Variants in ZDHHC7 observed in about 807,000 individuals in gnomAD.
The protein encoded by ZDHHC7 is palmitoyltransferase ZDHHC7.
ZDHHC7 carries 12 observed loss-of-function variants against 34.1 expected under a neutral mutation model. The observed-to-expected ratio is 0.35, with a 90% confidence interval of 0.23 to 0.57. ZDHHC7 has a LOEUF of 0.57. ZDHHC7 is among the 20% of genes least tolerant of loss of function. The pLI, the probability that ZDHHC7 is intolerant of heterozygous loss-of-function variation, is 0.84. For missense variants in ZDHHC7, 388 were observed against 402.7 expected, an observed-to-expected ratio of 0.96 and a Z score of 0.31; for synonymous variants, 185 against 155.4, an observed-to-expected ratio of 1.19 and a Z score of -1.42.
intron 2 of ZDHHC7, 114 bp from the exon 3 acceptor site, chr16:84,990,749 A>G (rs1467588025): frequency 2.5e-6 from 2 of 793,070 alleles, no homozygotes; most frequent in Non-Finnish European, 3.9e-6. Flanking sequence ...CTAAATACAC[A>G]TAGTGGGAAA....
chr16:84,990,755 G>A, intron 2 of ZDHHC7, 120 bp from the exon 3 acceptor site: 3 of 762,276 alleles, frequency 3.9e-6, no homozygotes, highest in Non-Finnish European at 6.2e-6. Context: ...ACACATAGTG[G>A]GAAAGAACAT....
At chr16:84,986,173 C>G (rs1597540044) in intron 3 of ZDHHC7, among the ~76,000 whole-genome samples, 2 of 152,246 alleles carry the variant, frequency 1.3e-5, no homozygotes, top group South Asian at 2.1e-4. Flanking sequence ...TGGGCGAGGC[C>G]ACCACATGAT....
chr16:85,018,272 T>C, the ZDHHC7 span, among the ~76,000 whole-genome samples: 54 of 152,132 alleles, frequency 3.5e-4, no homozygotes, highest in Non-Finnish European at 6.8e-4. Context: ...TGCAATATAA[T>C]AAAAAGAGGC....
At chr16:85,016,496 C>T (rs138819936), upstream of ZDHHC7, among the ~76,000 whole-genome samples, 15 of 152,268 alleles carry the variant, frequency 9.9e-5, no homozygotes, top group African/African-American at 3.1e-4. Flanking sequence ...TGCTCTGTTG[C>T]CCAGGCTGGA....
intron 2 of ZDHHC7, among the ~76,000 whole-genome samples, chr16:84,991,275 G>A (rs2072506090): frequency 6.6e-6 from 1 of 152,014 alleles, no homozygotes; most frequent in Admixed American, 6.6e-5. Flanking sequence ...CTTCTAGAAT[G>A]CCCTTCATCT....
At chr16:85,014,388 A>G (rs2072825817), upstream of ZDHHC7, among the ~76,000 whole-genome samples, 1 of 152,214 alleles carries the variant, frequency 6.6e-6, no homozygotes, top group Admixed American at 6.5e-5. Flanking sequence ...TGATTCGTCA[A>G]GGTGCTCTTT....
intron 3 of ZDHHC7, chr16:84,988,677 C>G: frequency 1.7e-6 from 2 of 1,168,142 alleles, no homozygotes; most frequent in Admixed American, 2.0e-5. Context: ...GAGGAAGGGG[C>G]AAGTGCGCTT....
chr16:84,999,882 C>T (rs538072338), intron 1 of ZDHHC7, among the ~76,000 whole-genome samples: 1 of 152,302 alleles, frequency 6.6e-6, no homozygotes, highest in East Asian at 1.9e-4. Context: ...CACAGTGGCT[C>T]ATACCTGTAA....
intron 3 of ZDHHC7, among the ~76,000 whole-genome samples, chr16:84,984,162 G>C (rs745427044): frequency 6.6e-6 from 1 of 151,926 alleles, no homozygotes; most frequent in Non-Finnish European, 1.5e-5. Context: ...TGGGATTATA[G>C]GCGTGCGCCA....
chr16:84,997,454 G>A (rs1035980981), intron 1 of ZDHHC7, among the ~76,000 whole-genome samples: 10 of 150,660 alleles, frequency 6.6e-5, no homozygotes, highest in African/African-American at 2.4e-4. Flanking sequence ...TGTATTTTTA[G>A]TAGAGACGTG....
chr16:85,010,327 A>G (rs2143767342), intron 1 of ZDHHC7, among the ~76,000 whole-genome samples: 1 of 152,298 alleles, frequency 6.6e-6, no homozygotes, highest in South Asian at 2.1e-4. Context: ...CCGCGTGCGT[A>G]CCAGGCCACA....
intron 1 of ZDHHC7, among the ~76,000 whole-genome samples, chr16:84,997,895 TAA>T (rs751166134): frequency 1.9e-3 from 121 of 64,424 alleles, no homozygotes; most frequent in African/African-American, 4.8e-3. Flanking sequence ...AGACTCCGTC[TAA>T]AAAAAAAAAA....
At chr16:85,011,994 C>T (rs570859461), upstream of ZDHHC7, among the ~76,000 whole-genome samples, 160 of 152,296 alleles carry the variant, frequency 1.1e-3, no homozygotes, top group African/African-American at 3.8e-3. Context: ...CTGAGGTCCG[C>T]GGAGCCCCCG....
intron 3 of ZDHHC7, among the ~76,000 whole-genome samples, chr16:84,985,581 A>G (rs1197652953): frequency 6.6e-6 from 1 of 152,230 alleles, no homozygotes; most frequent in African/African-American, 2.4e-5. Flanking sequence ...ATTAATTAAA[A>G]GAGATGTCAG....
chr16:85,010,990 C>G (rs756474504), intron 1 of ZDHHC7, among the ~76,000 whole-genome samples: 2 of 152,250 alleles, frequency 1.3e-5, no homozygotes, highest in African/African-American at 2.4e-5. Flanking sequence ...CGTCATTAGC[C>G]ACACAGAAAA....
In ZDHHC7 at chr16:84,974,522, AAAGTC is replaced by A. The variant is rs2072269463; in HGVS notation, c.*1816_*1820del. On this transcript the variant is annotated 3_prime_UTR_variant, in exon 8 of 8. Transcript: ENST00000313732. ...AAGTTACATTGAAAGAAGAGGTTGAAAAGTCAAGTATACTTGATTTGCACACACTT... is the reference window on the plus strand; with the variant it reads ...AAGTTACATTGAAAGAAGAGGTTGAAAAGTATACTTGATTTGCACACACTT... 1 of 152,610 alleles carries A rather than the reference AAAGTC, an allele frequency of 6.6e-6. No homozygotes were observed. The highest frequency in any genetic ancestry group is 1.5e-5 in the Non-Finnish European group (1 of 68,036). 9.5% of individuals were successfully genotyped at this position (152,610 alleles called of 1,614,324 possible). A position where few individuals can be genotyped will look rare whatever the true frequency, so the allele number is the denominator to read the frequency against.
upstream of ZDHHC7, among the ~76,000 whole-genome samples, chr16:85,011,957 C>T (rs1416900782): frequency 6.6e-6 from 1 of 152,206 alleles, no homozygotes; most frequent in African/African-American, 2.4e-5. Context: ...GGAAAGCGCC[C>T]TGAACTGGGG....
intron 3 of ZDHHC7, among the ~76,000 whole-genome samples, chr16:84,983,860 C>A (rs2072402251): frequency 6.6e-6 from 1 of 150,712 alleles, no homozygotes; most frequent in African/African-American, 2.4e-5. Context: ...ATTAGCTGGG[C>A]GTGGTGGCCT....
At chr16:84,983,206 T>C (rs2072393153) in intron 3 of ZDHHC7, among the ~76,000 whole-genome samples, 1 of 152,028 alleles carries the variant, frequency 6.6e-6, no homozygotes, top group African/African-American at 2.4e-5. Flanking sequence ...AGGGCTGCAG[T>C]GATTGTGCAA....
Sources: gnomAD v4.1 joint callset for allele counts (sites outside exome capture counted in the v4.1 genomes callset) on GRCh38, gnomAD v4.1.1 for gene constraint, MANE v1.5 for transcripts, NCBI Gene and HGNC (gene_info 2026-07-23, HGNC 2026-07-21) for gene names.